The following ADIPOQ variants were observed in gnomAD, a reference collection of about 807,000 sequenced individuals.
ADIPOQ encodes adiponectin, C1Q and collagen domain containing.
In ADIPOQ, 19 loss-of-function variants were observed where a neutral mutation model predicts 16.1. The ratio of observed to expected loss-of-function variants is 1.18; its 90% CI spans 0.82 to 1.73. The LOEUF (loss-of-function observed/expected upper bound fraction) is 1.73, where lower values mean the gene tolerates loss of function less well. Ranked by LOEUF, ADIPOQ falls within the 40% of genes most tolerant of loss-of-function variation. The pLI is 0.00. For synonymous variants in ADIPOQ, 124 were observed against 125.5 expected, an observed-to-expected ratio of 0.99 and a Z score of 0.08; for missense variants, 323 against 308.3, an observed-to-expected ratio of 1.05 and a Z score of -0.36.
chr3:186,845,076 G>A (rs73185702), intron 1 of ADIPOQ, among the ~76,000 whole-genome samples: 15,430 of 151,828 alleles, frequency 0.1, 987 homozygotes, highest in African/African-American at 0.16. Flanking sequence ...GTGTGCGCGC[G>A]CGCACACTCA....
At chr3:186,845,144 TGTG>T in intron 1 of ADIPOQ, among the ~76,000 whole-genome samples, 1 of 151,050 alleles carries the variant, frequency 6.6e-6, no homozygotes, top group South Asian at 2.1e-4. Context: ...GATGTGTGGA[TGTG>T]GTGTGTGGGT....
intron 1 of ADIPOQ, among the ~76,000 whole-genome samples, chr3:186,843,400 C>G (rs1711504300): frequency 6.6e-6 from 1 of 152,154 alleles, no homozygotes; most frequent in Non-Finnish European, 1.5e-5. Context: ...TGGCTCACAC[C>G]TGTAATCCCA....
rs973342762 is a variant in ADIPOQ, at chr3:186,858,091, C to G, written c.*3387C>G. The G allele has an allele frequency of 6.6e-6, 1 of 152,120 alleles. No homozygotes were observed. The highest frequency in any genetic ancestry group is 2.4e-5 in the African/African-American group (1 of 41,406). The allele number at this position is 152,120 out of a possible 1,614,324, so 9.4% of individuals were successfully genotyped here. ...ACCATGAGCAATTCTCCTGCCTCAGCCTCCCAAGTAGCTGGAACTACAGGC... is the reference window on the plus strand; with the variant it reads ...ACCATGAGCAATTCTCCTGCCTCAGGCTCCCAAGTAGCTGGAACTACAGGC... On this transcript the variant is annotated 3_prime_UTR_variant, in exon 3 of 3. Coordinates refer to ENST00000320741, the MANE Select transcript of ADIPOQ (RefSeq NM_004797.4).
rs571637954 is a variant in ADIPOQ at position 186,857,972 on chromosome 3, TTCTCTCTCTC to T, written c.*3280_*3289del. 6.7e-6 allele frequency: 1 copy of T among 148,428 alleles called. No homozygotes were observed. Among genetic ancestry groups the T allele is most frequent in the Non-Finnish European group, 1.5e-5 (1 of 66,788 alleles). 9.2% of individuals were successfully genotyped at this position (148,428 alleles called of 1,614,324 possible). On this transcript the variant is annotated 3_prime_UTR_variant, in exon 3 of 3. Coordinates refer to ENST00000320741, the MANE Select transcript of ADIPOQ (RefSeq NM_004797.4). ...TTCCTTCCTTCCTTCCTCCTTTTCT[TTCTCTCTCTC>T]TCTCTCTCTCTTTTTTTGACAGACT...
chr3:186,843,034 T>C (rs1427398938), intron 1 of ADIPOQ, among the ~76,000 whole-genome samples: 3 of 152,200 alleles, frequency 2.0e-5, no homozygotes, highest in Admixed American at 6.5e-5. Flanking sequence ...GAGAAAAAGT[T>C]AGGGTCAGTA....
intron 1 of ADIPOQ, among the ~76,000 whole-genome samples, chr3:186,849,702 T>C (rs765411377): frequency 3.9e-5 from 6 of 152,204 alleles, no homozygotes; most frequent in Non-Finnish European, 8.8e-5. Flanking sequence ...TATCAATGGT[T>C]ACTTTACTTA....
intron 1 of ADIPOQ, chr3:186,852,788 C>CTG (rs1209462827): frequency 6.4e-6 from 3 of 469,510 alleles, no homozygotes; most frequent in African/African-American, 5.8e-5. Context: ...GGAGTGTCAT[C>CTG]TGTGCAATCA....
chr3:186,855,069 G>C lies in ADIPOQ; in HGVS notation c.*365G>C, dbSNP rs906230149. 2 of 301,168 alleles carry C rather than the reference G, an allele frequency of 6.6e-6. No homozygotes were observed. Among genetic ancestry groups the C allele is most frequent in the Non-Finnish European group, 1.3e-5 (2 of 156,908 alleles). 18.7% of individuals were successfully genotyped at this position (301,168 alleles called of 1,614,324 possible). On this transcript the variant is annotated 3_prime_UTR_variant, in exon 3 of 3. Coordinates refer to ENST00000320741, the MANE Select transcript of ADIPOQ (RefSeq NM_004797.4). ...TGAGAGAGTTAAGTGAATGTCTAAGGTCACACAGTATTAAGTGACAGTGCT... is the reference window on the plus strand; with the variant it reads ...TGAGAGAGTTAAGTGAATGTCTAAGCTCACACAGTATTAAGTGACAGTGCT...
rs1047163646 is a variant in ADIPOQ, at chr3:186,846,450, T to C, written c.-9+3701T>C. Among the ~76,000 whole-genome samples the C allele has an allele frequency of 2.6e-5, 4 of 152,066 alleles. No individual in the cohort carries two copies. The South Asian group carries it at 8.3e-4, about 32-fold the overall frequency. On this transcript the variant is annotated intron_variant, in intron 1 of 2. Coordinates refer to ENST00000320741, the MANE Select transcript of ADIPOQ (RefSeq NM_004797.4). ...GGTTTTGCCATATTGGCCAGGCTGG[T>C]CTTGAACTCCTGACTTCATGTGACC...
intron 1 of ADIPOQ, among the ~76,000 whole-genome samples, chr3:186,850,063 G>A (rs1418643749): frequency 6.6e-6 from 1 of 152,172 alleles, no homozygotes; most frequent in Non-Finnish European, 1.5e-5. Context: ...GAGGTCAGGA[G>A]TTTGAGACTA....
Position 186,854,494 on chromosome 3 carries a change from C to T in ADIPOQ, c.525C>T (p.Leu175=), listed in dbSNP as rs191691790. The change falls in exon 3 of 3, where the codon CTC becomes CTT. Residue 175 remains leucine (L), a synonymous_variant. Coordinates refer to ENST00000320741, the MANE Select transcript of ADIPOQ (RefSeq NM_004797.4). ...TVYMKDVKVS[L]FKKDKAMLFT... ...ATATGAAGGATGTGAAGGTCAGCCT[C>T]TTCAAGAAGGACAAGGCTATGCTCT... 1 of 1,614,180 alleles carries T rather than the reference C, an allele frequency of 6.2e-7. No homozygotes were observed. The highest frequency in any genetic ancestry group is 8.5e-7 in the Non-Finnish European group (1 of 1,180,000).
Position 186,854,776 on chromosome 3 carries a change from G to T in ADIPOQ, c.*72G>T, listed in dbSNP as rs1248241967. 2 of 1,564,294 alleles carry T rather than the reference G, an allele frequency of 1.3e-6. No individual in the cohort carries two copies. Among genetic ancestry groups the T allele is most frequent in the East Asian group, 4.5e-5 (2 of 44,686 alleles). Reference sequence around the variant, plus strand: ...AATTAAAGGCTTTCAGTACGGTTAGGAAGTTGATTATTATTTAGTTGGAGG... The same window carrying T: ...AATTAAAGGCTTTCAGTACGGTTAGTAAGTTGATTATTATTTAGTTGGAGG... On this transcript the variant is annotated 3_prime_UTR_variant, in exon 3 of 3. Coordinates refer to ENST00000320741, the MANE Select transcript of ADIPOQ (RefSeq NM_004797.4).
At chr3:186,853,956 A>G (rs1389200334) in intron 2 of ADIPOQ, 1 of 521,986 alleles carries the variant, frequency 1.9e-6, no homozygotes, top group African/African-American at 1.9e-5. Context: ...TCTATGATAG[A>G]GACCTATAGG....
In ADIPOQ at chr3:186,854,718, A is replaced by G; in HGVS notation, c.*14A>G. 2 of 1,613,892 alleles carry G rather than the reference A, an allele frequency of 1.2e-6. No homozygotes were observed. The highest frequency in any genetic ancestry group is 1.7e-6 in the Non-Finnish European group (2 of 1,179,966). On this transcript the variant is annotated 3_prime_UTR_variant, in exon 3 of 3. Transcript: ENST00000320741. The stretch of plus-strand genomic sequence containing the variant: ...GACACCAACTGATCACCACTAACTC[A>G]GAGCCTCCTCCAGGCCAAACAGCCC...
At chr3:186,854,044 T>G in intron 2 of ADIPOQ, 140 bp from the exon 3 acceptor site, 1 of 856,948 alleles carries the variant, frequency 1.2e-6, no homozygotes, top group Non-Finnish European at 1.8e-6. Context: ...ACCTCTCTCC[T>G]TTTGGGAGCT....
chr3:186,848,954 TG>T (rs1371806132), intron 1 of ADIPOQ, among the ~76,000 whole-genome samples: 1 of 152,196 alleles, frequency 6.6e-6, no homozygotes, highest in Non-Finnish European at 1.5e-5. Context: ...CTTGTATTTT[TG>T]GCACCTCTAC....
Position 186,853,285 on chromosome 3 carries a change from C to G in ADIPOQ, c.214+13C>G. 2 of 1,576,280 alleles carry G rather than the reference C, an allele frequency of 1.3e-6. No homozygotes were observed. The highest frequency in any genetic ancestry group is 1.7e-6 in the Non-Finnish European group (2 of 1,160,052). On this transcript the variant is annotated intron_variant, in intron 2 of 2. Transcript: ENST00000320741. ...AAAGGAGATCCAGGTAAGAATGTTT[C>G]TGGCCTCTTTCATCACAGACCTCCT...
chr3:186,852,997 G>T (rs1711834526), intron 1 of ADIPOQ, 54 bp from the exon 2 acceptor site: 5 of 1,558,014 alleles, frequency 3.2e-6, no homozygotes, highest in Non-Finnish European at 4.4e-6. Flanking sequence ...TCCCAACTGG[G>T]TGTGTGTGTG....
chr3:186,854,116 T>C, intron 2 of ADIPOQ, 68 bp from the exon 3 acceptor site: 1 of 1,539,848 alleles, frequency 6.5e-7, no homozygotes, highest in Non-Finnish European at 8.8e-7. Context: ...GGGATGGTAA[T>C]TTAGGCTGTA....
Sources: allele counts gnomAD v4.1 joint callset (sites outside exome capture counted in the v4.1 genomes callset), GRCh38; gene constraint gnomAD v4.1.1; transcripts MANE v1.5; gene names NCBI Gene and HGNC (gene_info 2026-07-23, HGNC 2026-07-21).